Variants in EYS observed in about 807,000 individuals in gnomAD.
EYS encodes the protein protein eyes shut homolog.
A neutral mutation model predicts 282.1 loss-of-function variants in EYS; 250 were observed. The observed-to-expected ratio is 0.89, with a 90% CI of 0.80 to 0.98. The LOEUF (loss-of-function observed/expected upper bound fraction) is 0.98, where lower values mean the gene tolerates loss of function less well. EYS is among the 50% of genes least tolerant of loss of function. The probability of loss-of-function intolerance (pLI) is 0.00; values close to 1 mark genes in which losing one functional copy is unlikely to be tolerated. For missense variants in EYS, 4,016 were observed against 3,709.0 expected, an observed-to-expected ratio of 1.08 and a Z score of -2.15; for synonymous variants, 1,355 against 1,282.9, an observed-to-expected ratio of 1.06 and a Z score of -1.20.
chr6:65,048,550 C>T (rs1773171296), intron 13 of EYS, among the ~76,000 whole-genome samples: 1 of 151,794 alleles, frequency 6.6e-6, no homozygotes, highest in Non-Finnish European at 1.5e-5. Flanking sequence ...TTGACCATTC[C>T]ATATATACTT....
At chr6:64,919,116 T>C (rs1265346210) in intron 15 of EYS, among the ~76,000 whole-genome samples, 2 of 152,140 alleles carry the variant, frequency 1.3e-5, no homozygotes, top group African/African-American at 2.4e-5. Flanking sequence ...AGAGTAAGCA[T>C]GTGGTCGGAT....
chr6:64,109,280 T>C (rs1773131048), intron 31 of EYS, among the ~76,000 whole-genome samples: 1 of 152,154 alleles, frequency 6.6e-6, no homozygotes, highest in Non-Finnish European at 1.5e-5. Flanking sequence ...TTCCTCACTC[T>C]ACTAATACTT....
chr6:63,813,176 C>T (rs1037841383), intron 36 of EYS, among the ~76,000 whole-genome samples: 1 of 152,048 alleles, frequency 6.6e-6, no homozygotes, highest in African/African-American at 2.4e-5. Flanking sequence ...GATGGGGTTT[C>T]ACCGTGTTGC....
chr6:64,827,175 C>T (rs956292022), intron 19 of EYS, among the ~76,000 whole-genome samples: 1 of 151,814 alleles, frequency 6.6e-6, no homozygotes, highest in Non-Finnish European at 1.5e-5. Flanking sequence ...TAAAATTAAA[C>T]ATTCTCAATA....
intron 5 of EYS, among the ~76,000 whole-genome samples, chr6:65,412,056 A>G (rs1052062032): frequency 6.6e-5 from 10 of 152,034 alleles, no homozygotes. Context: ...GCTCTCATGT[A>G]TAAGATTAGT....
chr6:64,333,404 G>C (rs1254689481), intron 29 of EYS, among the ~76,000 whole-genome samples: 1 of 152,112 alleles, frequency 6.6e-6, no homozygotes, highest in Non-Finnish European at 1.5e-5. Flanking sequence ...ACAAGAAAAA[G>C]TCAGCAGCAG....
intron 21 of EYS, among the ~76,000 whole-genome samples, chr6:64,820,775 G>A (rs550857222): frequency 2.2e-4 from 34 of 152,122 alleles, no homozygotes; most frequent in African/African-American, 6.5e-4. Context: ...TTGGTTCTCC[G>A]TGAATGCATT....
In EYS at chr6:65,057,837, A is replaced by G. The variant is rs147363702; in HGVS notation, c.2024-110T>C. On this transcript the variant is annotated intron_variant, in intron 12 of 42. Transcript: ENST00000503581. Reference sequence around the variant, plus strand: ...TAATCCACTTAGGATGACATCTGAAACCAAATTTATTAGATAAGAATGCCA... The same window carrying G: ...TAATCCACTTAGGATGACATCTGAAGCCAAATTTATTAGATAAGAATGCCA... The G allele has an allele frequency of 9.4e-4, 675 of 714,370 alleles. 8 individuals are homozygous for G. The highest frequency in any genetic ancestry group is 8.2e-3 in the African/African-American group (456 of 55,900). The allele number at this position is 714,370 out of a possible 1,614,324, so 44.3% of individuals were successfully genotyped here.
intron 12 of EYS, among the ~76,000 whole-genome samples, chr6:65,158,267 T>G (rs1764774139): frequency 6.6e-6 from 1 of 150,862 alleles, no homozygotes; most frequent in Non-Finnish European, 1.5e-5. Context: ...ATAAGGAATG[T>G]ATATCCAAGC....
At chr6:64,358,176 T>C (rs1326860515) in intron 29 of EYS, among the ~76,000 whole-genome samples, 1 of 151,678 alleles carries the variant, frequency 6.6e-6, no homozygotes, top group Non-Finnish European at 1.5e-5. Context: ...TGTCTATTCC[T>C]GGTCCCTTTG....
intron 29 of EYS, among the ~76,000 whole-genome samples, chr6:64,334,139 CTG>C (rs1770750983): frequency 6.6e-6 from 1 of 152,192 alleles, no homozygotes; most frequent in African/African-American, 2.4e-5. Flanking sequence ...GACAATTCCT[CTG>C]TGTCAGACTG....
chr6:65,088,980 G>A (rs1581899059), intron 12 of EYS, among the ~76,000 whole-genome samples: 1 of 152,178 alleles, frequency 6.6e-6, no homozygotes, highest in South Asian at 2.1e-4. Context: ...ATGCTGTCGA[G>A]CCTGTGGGTG....
chr6:64,463,023 T>C (rs1462231486), intron 26 of EYS, among the ~76,000 whole-genome samples: 1 of 147,806 alleles, frequency 6.8e-6, no homozygotes, highest in East Asian at 2.1e-4. Context: ...TCGGGCTCAC[T>C]GCAAGCTTCG....
At chr6:64,287,736 C>T (rs1310235183) in intron 30 of EYS, among the ~76,000 whole-genome samples, 1 of 152,082 alleles carries the variant, frequency 6.6e-6, no homozygotes, top group Non-Finnish European at 1.5e-5. Context: ...CTTCACTGTC[C>T]TCCAGATCTT....
rs148816366 is a variant in EYS at position 64,219,101 on chromosome 6, C to T, written c.6424+11491G>A. ...CAGCCGCAATGACAGAATGCATTTGCTGCCCATGCGGAATTATAATGAGCA... is the reference window on the plus strand; with the variant it reads ...CAGCCGCAATGACAGAATGCATTTGTTGCCCATGCGGAATTATAATGAGCA... On this transcript the variant is annotated intron_variant, in intron 31 of 42. Coordinates refer to ENST00000503581, the MANE Select transcript of EYS (RefSeq NM_001142800.2). Among the ~76,000 whole-genome samples, 385 of 152,268 alleles carry T rather than the reference C, an allele frequency of 2.5e-3. 2 individuals are homozygous for T. Among genetic ancestry groups the T allele is most frequent in the Non-Finnish European group, 2.5e-3 (168 of 68,012 alleles).
At chr6:64,746,756 G>A (rs1772568929) in intron 22 of EYS, among the ~76,000 whole-genome samples, 1 of 152,174 alleles carries the variant, frequency 6.6e-6, no homozygotes, top group Non-Finnish European at 1.5e-5. Context: ...GGAGGATAAA[G>A]CAACTTTGTC....
At chr6:63,970,026 C>T (rs1262581895) in intron 35 of EYS, among the ~76,000 whole-genome samples, 4 of 152,118 alleles carry the variant, frequency 2.6e-5, no homozygotes, top group Non-Finnish European at 5.9e-5. Flanking sequence ...CACCCAGACC[C>T]CCGCTACGAG....
At chr6:65,444,832 A>T (rs1768591197) in intron 5 of EYS, among the ~76,000 whole-genome samples, 1 of 152,070 alleles carries the variant, frequency 6.6e-6, no homozygotes, top group African/African-American at 2.4e-5. Flanking sequence ...CTATTTGATT[A>T]TATTTATACT....
chr6:65,192,293 CTGTGTGTGTGTG>C lies in EYS; in HGVS notation c.2023+103558_2023+103569del, dbSNP rs58238401. The stretch of plus-strand genomic sequence containing the variant: ...TTCTTTCCCTATAGCTTTTTCTACT[CTGTGTGTGTGTG>C]TGTGTGTGTGTGTGTGTGTGTGTAT... On this transcript the variant is annotated intron_variant, in intron 12 of 42. Coordinates refer to ENST00000503581, the MANE Select transcript of EYS (RefSeq NM_001142800.2). 9.5e-3 allele frequency among the ~76,000 whole-genome samples: 1,356 copies of C among 142,908 alleles called. 18 individuals are homozygous for C. Among genetic ancestry groups the C allele is most frequent in the African/African-American group, 0.033 (1,285 of 38,568 alleles). 93.8% of individuals were successfully genotyped at this position (142,908 alleles called of 152,430 possible).
Sources: gnomAD v4.1 joint callset for allele counts (sites outside exome capture counted in the v4.1 genomes callset) on GRCh38, gnomAD v4.1.1 for gene constraint, MANE v1.5 for transcripts, NCBI Gene and HGNC (gene_info 2026-07-23, HGNC 2026-07-21) for gene names.